The following ATAD2 variants were observed in gnomAD, a reference collection of about 807,000 sequenced individuals.
ATAD2 encodes the protein ATPase family AAA domain-containing protein 2.
Under a neutral mutation model 168.9 loss-of-function variants are expected in ATAD2, and 62 were observed. The ratio of observed to expected loss-of-function variants is 0.37; its 90% CI spans 0.30 to 0.45. The LOEUF (loss-of-function observed/expected upper bound fraction) is 0.45, where lower values mean the gene tolerates loss of function less well. Ranked by LOEUF, ATAD2 falls within the 20% of genes least tolerant of loss-of-function variation. ATAD2 has a pLI of 1.00. For synonymous variants in ATAD2, 613 were observed against 571.6 expected, an observed-to-expected ratio of 1.07 and a Z score of -1.03; for missense variants, 1,419 against 1,667.8, an observed-to-expected ratio of 0.85 and a Z score of 2.60.
intron 8 of ATAD2, 141 bp downstream of exon 8, chr8:123,368,917 T>C (rs1326729160): frequency 5.9e-6 from 2 of 336,644 alleles, no homozygotes; most frequent in Admixed American, 4.3e-5. Flanking sequence ...ATTAGACTAC[T>C]AAAGGTATAG....
chr8:123,348,152 ATTTAT>A lies in ATAD2; in HGVS notation c.1897+26_1897+30del, dbSNP rs753807695. 2.7e-6 allele frequency: 4 copies of A among 1,461,426 alleles called. No individual in the cohort carries two copies. The East Asian group carries it at 9.4e-5, about 34-fold the overall frequency. The allele number at this position is 1,461,426 out of a possible 1,614,324, so 90.5% of individuals were successfully genotyped here. On this transcript the variant is annotated intron_variant, in intron 15 of 27. Coordinates refer to ENST00000287394, the MANE Select transcript of ATAD2 (RefSeq NM_014109.4). The stretch of plus-strand genomic sequence containing the variant: ...GTTTCATATTTGAAATAAATGTAGT[ATTTAT>A]TTTAACTGCTTAAAACAATGTTTAC...
intron 25 of ATAD2, among the ~76,000 whole-genome samples, chr8:123,326,945 C>T (rs1827632760): frequency 6.6e-6 from 1 of 152,170 alleles, no homozygotes; most frequent in East Asian, 1.9e-4. Context: ...TTCTGTCACC[C>T]AGGCTGGAGT....
rs1162097980 is a variant in ATAD2, at chr8:123,325,993, C to T, written c.3902G>A (p.Arg1301His). ...GAGCTGCTGCTGTTCTACCTGGGAA[C>T]GTCTAGCTCGAGTCATTCGCAGAAC... ...MCVLRMTRAR[R>H]SQVEQQQLIT... Residue 1301 changes from arginine (R) to histidine (H), a missense_variant, in exon 26 of 28, where the codon CGT becomes CAT. Arg to His is a conservative substitution (Grantham distance 29, BLOSUM62 0). Around this residue, in one of 5 missense-constraint regions of ATAD2, gnomAD observed 303 missense variants for 304.3 expected, o/e 1.00. Transcript: ENST00000287394. 4.3e-6 allele frequency: 7 copies of T among 1,613,928 alleles called. No homozygotes were observed. Among genetic ancestry groups the T allele is most frequent in the Non-Finnish European group, 5.1e-6 (6 of 1,179,982 alleles).
intron 1 of ATAD2, among the ~76,000 whole-genome samples, chr8:123,388,407 C>T (rs1029558846): frequency 2.0e-5 from 3 of 152,068 alleles, no homozygotes; most frequent in African/African-American, 4.8e-5. Flanking sequence ...TATTTTGAGA[C>T]GGAGTCTTGC....
intron 1 of ATAD2, among the ~76,000 whole-genome samples, chr8:123,413,150 G>A (rs576623046): frequency 6.6e-6 from 1 of 151,646 alleles, no homozygotes; most frequent in Non-Finnish European, 1.5e-5. Context: ...CTGCCAGCTA[G>A]CAGACACGAC....
intron 25 of ATAD2, 108 bp from the exon 26 acceptor site, chr8:123,326,134 A>G (rs1827609463): frequency 1.7e-6 from 2 of 1,204,364 alleles, no homozygotes. Context: ...TAAGGACATA[A>G]ACAGCAATTC....
At chr8:123,409,365 A>T (rs1813119070) in intron 1 of ATAD2, among the ~76,000 whole-genome samples, 1 of 152,188 alleles carries the variant, frequency 6.6e-6, no homozygotes. Context: ...CACATAGTAC[A>T]TTGCTGCCAT....
chr8:123,361,675 G>T, intron 8 of ATAD2, 29 bp from the exon 9 acceptor site: 5 of 1,550,982 alleles, frequency 3.2e-6, no homozygotes, highest in Non-Finnish European at 3.5e-6. Flanking sequence ...TTGAAATCAT[G>T]ATAAGGAAGG....
rs1306582246 is a variant in ATAD2, at chr8:123,357,804, A to C, written c.1383-68T>G. The C allele has an allele frequency of 5.0e-6, 7 of 1,391,720 alleles. No homozygotes were observed. In the East Asian group the frequency reaches 1.7e-4, roughly 34 times the overall value. 86.2% of individuals were successfully genotyped at this position (1,391,720 alleles called of 1,614,324 possible). A position where few individuals can be genotyped will look rare whatever the true frequency, so the allele number is the denominator to read the frequency against. The stretch of plus-strand genomic sequence containing the variant: ...GCAGACTTTTAAAACAAAAATTAGA[A>C]ACCAATTTCATGATTCATTTAATTA... On this transcript the variant is annotated intron_variant, in intron 11 of 27. Transcript: ENST00000287394.
intron 1 of ATAD2, among the ~76,000 whole-genome samples, chr8:123,393,704 AC>A (rs1460195780): frequency 2.6e-5 from 4 of 151,882 alleles, no homozygotes; most frequent in Non-Finnish European, 5.9e-5. Flanking sequence ...ATCACCTGAG[AC>A]CGGGAGTTTG....
intron 6 of ATAD2, among the ~76,000 whole-genome samples, chr8:123,370,487 T>C (rs1385182520): frequency 6.6e-6 from 1 of 152,148 alleles, no homozygotes; most frequent in Non-Finnish European, 1.5e-5. Context: ...TAACTCAATC[T>C]ACTTATGATT....
chr8:123,321,642 T>A (rs1370216931), intron 27 of ATAD2, among the ~76,000 whole-genome samples: 1 of 152,022 alleles, frequency 6.6e-6, no homozygotes, highest in Non-Finnish European at 1.5e-5. Flanking sequence ...TTATTAAAAA[T>A]AATAATAAGG....
chr8:123,368,332 C>T (rs1829039398), intron 8 of ATAD2, among the ~76,000 whole-genome samples: 1 of 152,068 alleles, frequency 6.6e-6, no homozygotes, highest in Admixed American at 6.6e-5. Flanking sequence ...GCAGGAGAAT[C>T]GCTTGAACCC....
At chr8:123,401,712 C>T in intron 1 of ATAD2, 1 of 748,656 alleles carries the variant, frequency 1.3e-6, no homozygotes, top group Non-Finnish European at 2.4e-6. Flanking sequence ...CTTGGTGCCT[C>T]CATAGTGATG....
rs1159352117 is a variant in ATAD2, at chr8:123,402,062, G to A, written c.-2281-887C>T. Reference sequence around the variant, plus strand: ...GAAGCGTACCATGTCGGCCCAGATTGAGGGTGGCGTCCATGGCCTGCACTC... The same window carrying A: ...GAAGCGTACCATGTCGGCCCAGATTAAGGGTGGCGTCCATGGCCTGCACTC... On this transcript the variant is annotated intron_variant, in intron 1 of 28. Transcript: ENST00000521903. The surrounding 1 kb of genome is among the most constrained non-coding windows in gnomAD (Gnocchi z 4.8). 2.0e-6 allele frequency: 3 copies of A among 1,488,026 alleles called. No homozygotes were observed. Among genetic ancestry groups the A allele is most frequent in the Non-Finnish European group, 2.8e-6 (3 of 1,071,664 alleles). The allele number at this position is 1,488,026 out of a possible 1,614,324, so 92.2% of individuals were successfully genotyped here.
At chr8:123,401,262 C>A, upstream of ATAD2, 1 of 998,306 alleles carries the variant, frequency 1.0e-6, no homozygotes, top group Non-Finnish European at 1.6e-6. Context: ...ACCTGAAGAA[C>A]CGAGACTACC....
chr8:123,394,575 C>T (rs1476012398), intron 1 of ATAD2, among the ~76,000 whole-genome samples: 3 of 151,454 alleles, frequency 2.0e-5, no homozygotes, highest in Admixed American at 6.6e-5. Context: ...GTTGAGGTTG[C>T]GGTGAGCCGA....
At chr8:123,412,171 C>G (rs563074236) in intron 1 of ATAD2, among the ~76,000 whole-genome samples, 9 of 152,320 alleles carry the variant, frequency 5.9e-5, no homozygotes, top group African/African-American at 1.9e-4. Flanking sequence ...AATAAGACAT[C>G]AGGAGCCTGG....
In ATAD2 at chr8:123,357,716, G is replaced by A. The variant is rs1828693308; in HGVS notation, c.1403C>T (p.Pro468Leu). ...QPPRGCLFYG[P>L]PGTGKTLVAR... ...AACCAGAGTCTTTCCAGTTCCAGGT[G>A]GCCCATAAAACAAACAACCTCTGTA... is the stretch of plus-strand genomic sequence containing the variant. Residue 468 changes from proline (P) to leucine (L), a missense_variant, in exon 12 of 28, where the codon CCA becomes CTA. This residue lies in a region of ATAD2 where 146 missense variants were observed against 188.3 expected (regional missense o/e 0.78). Transcript: ENST00000287394. 2 of 1,606,306 alleles carry A rather than the reference G, an allele frequency of 1.2e-6. No individual in the cohort carries two copies. The highest frequency in any genetic ancestry group is 1.7e-6 in the Non-Finnish European group (2 of 1,177,206).
Sources: allele counts gnomAD v4.1 joint callset (sites outside exome capture counted in the v4.1 genomes callset), GRCh38; gene constraint gnomAD v4.1.1; regional missense constraint gnomAD v4.1.1; non-coding constraint Gnocchi (gnomAD v3.1); transcripts MANE v1.5; gene names NCBI Gene and HGNC (gene_info 2026-07-23, HGNC 2026-07-21).